DDHD1: variants seen among roughly 807,000 people sequenced by gnomAD.
DDHD1 encodes the protein DDHD domain containing 1, also known as phospholipase DDHD1.
Under a neutral mutation model 96.4 loss-of-function variants are expected in DDHD1, and 49 were observed. The ratio of observed to expected loss-of-function variants is 0.51; its 90% confidence interval spans 0.40 to 0.64. DDHD1 has a LOEUF of 0.64. DDHD1 is among the 30% of genes least tolerant of loss of function. DDHD1 has a pLI of 0.00. For synonymous variants in DDHD1, 442 were observed against 446.5 expected, an observed-to-expected ratio of 0.99 and a Z score of 0.13; for missense variants, 1,106 against 1,161.2, an observed-to-expected ratio of 0.95 and a Z score of 0.69.
At chr14:53,105,722 T>C (rs116656473) in intron 1 of DDHD1, among the ~76,000 whole-genome samples, 1,856 of 152,320 alleles carry the variant, frequency 0.012, 43 homozygotes, top group African/African-American at 0.043. Flanking sequence ...TTTTGCTTTA[T>C]AAAGCCATTT....
chr14:53,065,770 C>T (rs554811120), intron 6 of DDHD1, among the ~76,000 whole-genome samples: 2 of 152,204 alleles, frequency 1.3e-5, no homozygotes, highest in African/African-American at 2.4e-5. Context: ...CACTCAGTCT[C>T]TACCTTAGTG....
intron 1 of DDHD1, among the ~76,000 whole-genome samples, chr14:53,122,902 TAA>T (rs1595220189): frequency 6.6e-6 from 1 of 151,546 alleles, no homozygotes; most frequent in African/African-American, 2.4e-5. Context: ...CTGTTGAAAT[TAA>T]GAGTGGTTTC....
At chr14:53,062,872 G>A in intron 7 of DDHD1, 71 bp downstream of exon 7, 1 of 1,479,478 alleles carries the variant, frequency 6.8e-7, no homozygotes, top group South Asian at 1.3e-5. Flanking sequence ...GAAATTCTTA[G>A]TTTTCTCGTA....
chr14:53,115,330 C>T (rs1476495183), intron 1 of DDHD1, among the ~76,000 whole-genome samples: 1 of 152,138 alleles, frequency 6.6e-6, no homozygotes, highest in Non-Finnish European at 1.5e-5. Flanking sequence ...AGAACTTCCC[C>T]AGCCTAGCAA....
At chr14:53,142,460 C>CA (rs745636721) in intron 1 of DDHD1, among the ~76,000 whole-genome samples, 11,716 of 71,684 alleles carry the variant, frequency 0.16, 621 homozygotes, top group African/African-American at 0.27. Context: ...GCCGGCATGG[C>CA]AAAAAAAAAA....
intron 1 of DDHD1, among the ~76,000 whole-genome samples, chr14:53,141,322 G>A (rs1284207227): frequency 6.6e-6 from 1 of 152,204 alleles, no homozygotes; most frequent in Non-Finnish European, 1.5e-5. Context: ...AATTCTCAGA[G>A]TGTAAGTGAA....
chr14:53,115,624 A>T (rs1453180575), intron 1 of DDHD1, among the ~76,000 whole-genome samples: 3 of 152,184 alleles, frequency 2.0e-5, no homozygotes, highest in African/African-American at 7.2e-5. Context: ...ATCCAGCCAA[A>T]CTAAGCTTCA....
rs747174979 is a variant in DDHD1 at position 53,153,088 on chromosome 14, G to A, written c.11C>T (p.Pro4Leu). MNY[P>L]GRGSPRSPEH... ...GGGGCTCCGTGGGGACCCGCGGCCC[G>A]GGTAATTCATGCTGTGGAGACGCCG... The change falls in exon 1 of 13, where the codon CCG (proline) becomes CTG (leucine). Residue 4 changes from proline (P) to leucine (L), a missense_variant. Around this residue, in one of 2 missense-constraint regions of DDHD1, gnomAD observed 456 missense variants for 402.4 expected, o/e 1.13. Coordinates refer to ENST00000673822, the MANE Select transcript of DDHD1 (RefSeq NM_001160148.2). 1.3e-5 allele frequency: 18 copies of A among 1,435,166 alleles called. No homozygotes were observed. The highest frequency in any genetic ancestry group is 4.5e-5 in the African/African-American group (3 of 66,206). 88.9% of individuals were successfully genotyped at this position (1,435,166 alleles called of 1,614,324 possible).
In DDHD1 at chr14:53,054,562, T is replaced by G; in HGVS notation, c.2313A>C (p.Thr771=). 1.2e-6 allele frequency: 2 copies of G among 1,614,124 alleles called. No homozygotes were observed. The highest frequency in any genetic ancestry group is 1.7e-6 in the Non-Finnish European group (2 of 1,179,980). The change falls in exon 11 of 13, where the codon ACA becomes ACC. Residue 771 remains threonine (T), a synonymous_variant. Coordinates refer to ENST00000673822, the MANE Select transcript of DDHD1 (RefSeq NM_001160148.2). ...AGTCTTTTGATGTTTCAGATGACTG[T>G]GTTGTAGATGAACGTCCAAATCTTG... ...LFSRFGRSST[T]QSSETSKDSM...
intron 11 of DDHD1, chr14:53,053,603 T>C (rs1029240318): frequency 3.3e-5 from 5 of 152,116 alleles, no homozygotes; most frequent in Admixed American, 6.6e-5. Flanking sequence ...AAGAACACAA[T>C]ACTCTAAGTA....
At chr14:53,088,752 A>G (rs1167413451) in intron 4 of DDHD1, among the ~76,000 whole-genome samples, 3 of 152,246 alleles carry the variant, frequency 2.0e-5, no homozygotes, top group African/African-American at 7.2e-5. Flanking sequence ...TCCCTTTGAA[A>G]ACTGGCACAA....
chr14:53,062,891 A>G, intron 7 of DDHD1, 52 bp downstream of exon 7: 1 of 1,571,176 alleles, frequency 6.4e-7, no homozygotes, highest in South Asian at 1.2e-5. Flanking sequence ...TAAGAGGTCC[A>G]GTAATTCCAT....
intron 1 of DDHD1, among the ~76,000 whole-genome samples, chr14:53,116,060 A>G (rs1371777282): frequency 6.6e-6 from 1 of 152,226 alleles, no homozygotes; most frequent in African/African-American, 2.4e-5. Flanking sequence ...TGGGAAAAAA[A>G]AGCAGGGGTT....
chr14:53,081,637 T>C (rs985677425), intron 4 of DDHD1, among the ~76,000 whole-genome samples: 6 of 152,156 alleles, frequency 3.9e-5, no homozygotes, highest in African/African-American at 1.4e-4. Context: ...TAACAAAAAA[T>C]TATCCAGTCA....
chr14:53,098,699 C>T (rs571548138), intron 2 of DDHD1, among the ~76,000 whole-genome samples: 9 of 152,030 alleles, frequency 5.9e-5, no homozygotes, highest in Admixed American at 1.3e-4. Context: ...TCTTTTTAAT[C>T]GAGCTTTGAA....
chr14:53,051,288 C>T (rs1035942085), intron 12 of DDHD1, among the ~76,000 whole-genome samples: 3 of 151,620 alleles, frequency 2.0e-5, no homozygotes, highest in African/African-American at 7.3e-5. Context: ...CATAGTGATA[C>T]ATTTAGAATA....
intron 1 of DDHD1, chr14:53,149,711 A>G (rs1027292294): frequency 6.6e-6 from 1 of 152,224 alleles, no homozygotes; most frequent in African/African-American, 2.4e-5. Flanking sequence ...CTCTTATGCT[A>G]GTTATAAGCT....
At chr14:53,145,899 G>A (rs1397506198) in intron 1 of DDHD1, among the ~76,000 whole-genome samples, 2 of 152,202 alleles carry the variant, frequency 1.3e-5, no homozygotes, top group African/African-American at 2.4e-5. Context: ...GCTTAATGTA[G>A]TAAGACATTA....
intron 4 of DDHD1, among the ~76,000 whole-genome samples, chr14:53,083,225 A>C (rs1192742869): frequency 6.6e-6 from 1 of 152,034 alleles, no homozygotes; most frequent in African/African-American, 2.4e-5. Flanking sequence ...TCATGTTCAA[A>C]AAGGTTTCAG....
Sources: gnomAD v4.1 joint callset for allele counts (sites outside exome capture counted in the v4.1 genomes callset) on GRCh38, gnomAD v4.1.1 for gene constraint, gnomAD v4.1.1 regional missense constraint, MANE v1.5 for transcripts, NCBI Gene and HGNC (gene_info 2026-07-23, HGNC 2026-07-21) for gene names.